The following OSBPL10 variants were observed in gnomAD, a reference collection of about 807,000 sequenced individuals.
The protein encoded by OSBPL10 is oxysterol-binding protein-related protein 10.
OSBPL10 carries 49 observed loss-of-function variants against 81.7 expected under a neutral mutation model. The observed-to-expected ratio is 0.60, with a 90% CI of 0.48 to 0.76. The LOEUF is 0.76. Ranked by LOEUF, OSBPL10 falls within the 30% of genes least tolerant of loss-of-function variation. The pLI, the probability that OSBPL10 is intolerant of heterozygous loss-of-function variation, is 0.00. For synonymous variants in OSBPL10, 419 were observed against 383.6 expected (o/e 1.09, Z -1.08); for missense variants, 923 against 987.8 (o/e 0.93, Z 0.88).
intron 4 of OSBPL10, among the ~76,000 whole-genome samples, chr3:31,783,821 A>ATTC (rs1559463326): frequency 3.0e-5 from 1 of 33,288 alleles, no homozygotes. Flanking sequence ...AAAAAAAAAA[A>ATTC]AAATATATAT....
intron 2 of OSBPL10, among the ~76,000 whole-genome samples, chr3:31,998,688 A>G (rs1699115373): frequency 6.6e-6 from 1 of 152,134 alleles, no homozygotes; most frequent in African/African-American, 2.4e-5. Flanking sequence ...TTGGCTATCC[A>G]TCAATTCTGC....
intron 6 of OSBPL10, among the ~76,000 whole-genome samples, chr3:31,723,272 C>G (rs143886936): frequency 5.7e-4 from 87 of 152,292 alleles, no homozygotes; most frequent in Non-Finnish European, 9.7e-4. Flanking sequence ...AGAGAAAAGA[C>G]AGTGGTGACA....
chr3:32,030,439 G>A (rs986176633), intron 2 of OSBPL10: 14 of 677,816 alleles, frequency 2.1e-5, no homozygotes, highest in South Asian at 2.8e-5. Context: ...ACAAGTTAAG[G>A]GCAAGATTCT....
At chr3:31,779,774 T>C (rs549344837) in intron 4 of OSBPL10, among the ~76,000 whole-genome samples, 5 of 152,168 alleles carry the variant, frequency 3.3e-5, no homozygotes, top group Non-Finnish European at 7.3e-5. Context: ...GCACTTGGAA[T>C]ACTCAAGATA....
At chr3:31,988,867 T>G in intron 2 of OSBPL10, 1 of 620,640 alleles carries the variant, frequency 1.6e-6, no homozygotes, top group Non-Finnish European at 2.8e-6. Context: ...ACCCACAGCT[T>G]GACTACAACC....
intron 3 of OSBPL10, among the ~76,000 whole-genome samples, chr3:31,853,778 A>G (rs1470759119): frequency 6.6e-6 from 1 of 152,162 alleles, no homozygotes; most frequent in African/African-American, 2.4e-5. Context: ...CTCTGCTCTC[A>G]CCTGGCTGCA....
rs770209374 is a variant in OSBPL10 at position 31,981,006 on chromosome 3, C to G, written c.174G>C (p.Pro58=). 6.7e-7 allele frequency: 1 copy of G among 1,485,738 alleles called. No homozygotes were observed. The highest frequency in any genetic ancestry group is 2.5e-5 in the Admixed American group (1 of 39,334). The allele number at this position is 1,485,738 out of a possible 1,614,324, so 92.0% of individuals were successfully genotyped here. A position where few individuals can be genotyped will look rare whatever the true frequency, so the allele number is the denominator to read the frequency against. Residue 58 remains proline (P), a synonymous_variant, in exon 1 of 12, where the codon CCG becomes CCC. Coordinates refer to ENST00000396556, the MANE Select transcript of OSBPL10 (RefSeq NM_017784.5). This position sits in a 1 kb window ranked among gnomAD's most constrained non-coding sequence, Gnocchi z 4.5. ...CGGACGGGCTAGCGGCCACAGAGCC[C>G]GGGCTGCTGCGGCTTCCCCCGCCGC... is the stretch of plus-strand genomic sequence containing the variant. ...GLGGGGSRSS[P]GSVAASPSGG...
At chr3:31,836,222 T>C (rs1700354934) in intron 3 of OSBPL10, among the ~76,000 whole-genome samples, 1 of 152,212 alleles carries the variant, frequency 6.6e-6, no homozygotes, top group Non-Finnish European at 1.5e-5. Context: ...TCCATTGCCA[T>C]CTTCAAATCT....
At chr3:32,070,733 C>A (rs945150793) in intron 1 of OSBPL10, among the ~76,000 whole-genome samples, 5 of 152,194 alleles carry the variant, frequency 3.3e-5, no homozygotes, top group Admixed American at 6.5e-5. Flanking sequence ...CCTTATCAAC[C>A]AAATTGTTTT....
At chr3:31,669,539 T>G (rs914093484) in intron 9 of OSBPL10, among the ~76,000 whole-genome samples, 3 of 152,206 alleles carry the variant, frequency 2.0e-5, no homozygotes, top group Non-Finnish European at 4.4e-5. Context: ...GAGCAAAACC[T>G]AGAGTCTCAG....
In OSBPL10 at chr3:31,859,343, G is replaced by A. The variant is rs141828666; in HGVS notation, c.537+17090C>T. On this transcript the variant is annotated intron_variant, in intron 3 of 11. Coordinates refer to ENST00000396556, the MANE Select transcript of OSBPL10 (RefSeq NM_017784.5). ...TACAGGAGGCTCTAGGAGGGTGACC[G>A]CCCAGGGAGGGCGTAGAAGTTCCAC... is the stretch of plus-strand genomic sequence containing the variant. Among the ~76,000 whole-genome samples the A allele has an allele frequency of 3.2e-3, 484 of 152,332 alleles. 3 individuals carry two copies. The highest frequency in any genetic ancestry group is 0.02 in the Middle Eastern group (6 of 294).
At chr3:31,960,524 T>C (rs1698130676) in intron 1 of OSBPL10, among the ~76,000 whole-genome samples, 1 of 152,188 alleles carries the variant, frequency 6.6e-6, no homozygotes, top group African/African-American at 2.4e-5. Context: ...TCAGATCCAA[T>C]TGACCTAAAT....
chr3:31,779,217 T>A (rs1698624091), intron 4 of OSBPL10, among the ~76,000 whole-genome samples: 1 of 152,104 alleles, frequency 6.6e-6, no homozygotes, highest in Admixed American at 6.5e-5. Context: ...ATCTCACATC[T>A]CAATTCGAAT....
intron 3 of OSBPL10, among the ~76,000 whole-genome samples, chr3:31,863,705 C>T (rs1701110375): frequency 1.3e-5 from 2 of 152,122 alleles, no homozygotes; most frequent in African/African-American, 4.8e-5. Flanking sequence ...TATTAGTTTC[C>T]TCTCTCTTTA....
chr3:31,879,716 G>A lies in OSBPL10; in HGVS notation c.396C>T (p.Ser132=), dbSNP rs367852389. 5.4e-5 allele frequency: 87 copies of A among 1,614,122 alleles called. 1 individual carries two copies. In the African/African-American group the frequency reaches 8.8e-4, roughly 16 times the overall value. ...CCACCAGCATGTGGGGAGCTTCATCGCTCAGGGACACTATGGCTCCAGATA... is the reference window on the plus strand; with the variant it reads ...CCACCAGCATGTGGGGAGCTTCATCACTCAGGGACACTATGGCTCCAGATA... ...LSLSGAIVSL[S]DEAPHMLVVY... Residue 132 remains serine, a synonymous_variant, in exon 2 of 12, where the codon AGC becomes AGT. Transcript: ENST00000396556.
intron 7 of OSBPL10, among the ~76,000 whole-genome samples, chr3:31,691,960 C>A (rs1388244373): frequency 6.6e-6 from 1 of 152,168 alleles, no homozygotes; most frequent in Non-Finnish European, 1.5e-5. Context: ...CTTAGCCAAC[C>A]TTTTCCCTAG....
At chr3:31,700,312 A>C (rs1387480784) in intron 7 of OSBPL10, 1 of 152,180 alleles carries the variant, frequency 6.6e-6, no homozygotes, top group Non-Finnish European at 1.5e-5. Flanking sequence ...CAGTTGTGAT[A>C]TTTCTTTATT....
intron 3 of OSBPL10, among the ~76,000 whole-genome samples, chr3:31,870,543 G>T (rs1337373124): frequency 1.3e-5 from 2 of 152,242 alleles, no homozygotes; most frequent in African/African-American, 2.4e-5. Context: ...CTGCAGCCCC[G>T]GTGCGGGATC....
chr3:31,837,640 GTTTTA>G lies in OSBPL10; in HGVS notation c.538-7414_538-7410del, dbSNP rs1248991103. On this transcript the variant is annotated intron_variant, in intron 3 of 11. Transcript: ENST00000396556. Reference sequence around the variant, plus strand: ...GAAAACAATCACTGTAGATGTGACTGTTTTATTTCAAAAAAAAAAAAAAATCAATG... The same window carrying G: ...GAAAACAATCACTGTAGATGTGACTGTTTCAAAAAAAAAAAAAAATCAATG... 8.6e-5 allele frequency among the ~76,000 whole-genome samples: 6 copies of G among 69,718 alleles called. No homozygotes were observed. In the East Asian group the frequency reaches 1.9e-3, roughly 22 times the overall value. 45.7% of individuals were successfully genotyped at this position (69,718 alleles called of 152,430 possible).
Sources: gnomAD v4.1 joint callset for allele counts (sites outside exome capture counted in the v4.1 genomes callset) on GRCh38, gnomAD v4.1.1 for gene constraint, Gnocchi (gnomAD v3.1) non-coding constraint, MANE v1.5 for transcripts, NCBI Gene and HGNC (gene_info 2026-07-23, HGNC 2026-07-21) for gene names.